The following RIN2 variants were observed in gnomAD, a reference collection of about 807,000 sequenced individuals.
RIN2 encodes Ras and Rab interactor 2.
A neutral mutation model predicts 78.0 loss-of-function variants in RIN2; 36 were observed. The ratio of observed to expected loss-of-function variants is 0.46; its 90% CI spans 0.35 to 0.61. RIN2 has a LOEUF of 0.61. Ranked by LOEUF, RIN2 falls within the 20% of genes least tolerant of loss-of-function variation. The pLI, the probability that RIN2 is intolerant of heterozygous loss-of-function variation, is 0.00. For missense variants in RIN2, 1,087 were observed against 1,159.7 expected, an observed-to-expected ratio of 0.94 and a Z score of 0.91; for synonymous variants, 466 against 466.8, an observed-to-expected ratio of 1.00 and a Z score of 0.02.
At chr20:19,856,158 T>C (rs759819492) in intron 2 of RIN2, among the ~76,000 whole-genome samples, 8 of 152,092 alleles carry the variant, frequency 5.3e-5, no homozygotes, top group Non-Finnish European at 1.0e-4. Context: ...ATGAAAGAAC[T>C]TTAGGGATAT....
At chr20:19,988,619 G>A (rs950601671) in intron 9 of RIN2, among the ~76,000 whole-genome samples, 4 of 152,116 alleles carry the variant, frequency 2.6e-5, no homozygotes, top group Non-Finnish European at 4.4e-5. Context: ...CCTTCAGCCC[G>A]CATCTCTGGA....
chr20:19,909,161 G>A (rs1195828395), intron 3 of RIN2, among the ~76,000 whole-genome samples: 4 of 152,112 alleles, frequency 2.6e-5, no homozygotes, highest in Admixed American at 1.3e-4. Flanking sequence ...ACCGCGCCCA[G>A]TCTGCTCTTC....
At chr20:19,963,001 G>A (rs1051711484) in intron 6 of RIN2, among the ~76,000 whole-genome samples, 1 of 152,198 alleles carries the variant, frequency 6.6e-6, no homozygotes, top group Non-Finnish European at 1.5e-5. Flanking sequence ...CTTACAGACA[G>A]TGCAGCTTAA....
At chr20:19,793,455 C>T (rs905118518) in intron 1 of RIN2, among the ~76,000 whole-genome samples, 2 of 152,038 alleles carry the variant, frequency 1.3e-5, no homozygotes, top group Non-Finnish European at 1.5e-5. Flanking sequence ...TTCTCTCTCT[C>T]GTACCCCAGA....
chr20:19,861,597 A>T (rs2037339856), intron 2 of RIN2, among the ~76,000 whole-genome samples: 1 of 150,394 alleles, frequency 6.6e-6, no homozygotes, highest in African/African-American at 2.5e-5. Flanking sequence ...ATATCTGGTG[A>T]TCACCCTCCA....
At position 19,845,356 on chromosome 20, in the gene RIN2, T is replaced by C. The variant is rs1227265193; in HGVS notation, c.-36-44210T>C. Among the ~76,000 whole-genome samples the C allele has an allele frequency of 2.0e-5, 3 of 152,204 alleles. No individual in the cohort carries two copies. In the East Asian group the frequency reaches 5.8e-4, roughly 29 times the overall value. On this transcript the variant is annotated intron_variant, in intron 2 of 12. Transcript: ENST00000255006. Reference sequence around the variant, plus strand: ...CTAATTTACACTCCCACCAACAGTGTAAAAGCTTTCCTATTTCTCCACATC... The same window carrying C: ...CTAATTTACACTCCCACCAACAGTGCAAAAGCTTTCCTATTTCTCCACATC...
intron 1 of RIN2, among the ~76,000 whole-genome samples, chr20:19,785,251 A>G (rs1435859108): frequency 6.7e-6 from 1 of 150,252 alleles, no homozygotes; most frequent in East Asian, 2.0e-4. Flanking sequence ...CATTTCAGCT[A>G]GTCAATGTTC....
intron 1 of RIN2, among the ~76,000 whole-genome samples, chr20:19,795,015 C>T (rs114742486): frequency 0.029 from 4,394 of 152,224 alleles, 196 homozygotes; most frequent in African/African-American, 0.1. Flanking sequence ...AAAGAATTTG[C>T]ATTTCTCTTA....
chr20:19,942,470 T>C (rs891447500), intron 4 of RIN2, among the ~76,000 whole-genome samples: 2 of 152,212 alleles, frequency 1.3e-5, no homozygotes, highest in Admixed American at 6.5e-5. Context: ...CTTTTTTTGA[T>C]AGCCAAAAGT....
chr20:19,841,274 C>T (rs979300843), intron 2 of RIN2, among the ~76,000 whole-genome samples: 1 of 151,788 alleles, frequency 6.6e-6, no homozygotes, highest in East Asian at 2.0e-4. Context: ...TGAGCCACCA[C>T]ACTCGGTGAA....
intron 3 of RIN2, among the ~76,000 whole-genome samples, chr20:19,930,037 T>C (rs1414704714): frequency 6.7e-6 from 1 of 149,918 alleles, no homozygotes; most frequent in Non-Finnish European, 1.5e-5. Context: ...CCCTCTGCAC[T>C]CTGGGACAAG....
At chr20:19,902,816 G>T (rs143532097) in intron 3 of RIN2, among the ~76,000 whole-genome samples, 1 of 152,118 alleles carries the variant, frequency 6.6e-6, no homozygotes, top group African/African-American at 2.4e-5. Flanking sequence ...AAATTTGGCC[G>T]GGCACGGTGG....
intron 12 of RIN2, among the ~76,000 whole-genome samples, chr20:20,000,166 A>G (rs2043098906): frequency 6.6e-6 from 1 of 152,236 alleles, no homozygotes; most frequent in South Asian, 2.1e-4. Flanking sequence ...CTCATCTCTT[A>G]AAATGAAAAG....
chr20:19,860,249 G>A (rs1211272488), intron 2 of RIN2, among the ~76,000 whole-genome samples: 3 of 152,260 alleles, frequency 2.0e-5, no homozygotes, highest in African/African-American at 7.2e-5. Context: ...ACTCCTGACT[G>A]GTGCCAAGAG....
At chr20:19,954,001 T>A (rs1786078867) in intron 4 of RIN2, among the ~76,000 whole-genome samples, 1 of 152,148 alleles carries the variant, frequency 6.6e-6, no homozygotes, top group Non-Finnish European at 1.5e-5. Flanking sequence ...AAAAGATAAA[T>A]CTTGAATGAA....
At chr20:19,802,773 T>C (rs2035286599) in intron 2 of RIN2, among the ~76,000 whole-genome samples, 2 of 152,276 alleles carry the variant, frequency 1.3e-5, no homozygotes, top group Non-Finnish European at 1.5e-5. Context: ...CCCTATTTCA[T>C]GGTACACCAA....
chr20:19,959,588 G>A (rs2041670057), intron 5 of RIN2, among the ~76,000 whole-genome samples: 1 of 152,130 alleles, frequency 6.6e-6, no homozygotes, highest in Admixed American at 6.5e-5. Context: ...CCCAAATAAA[G>A]TATCTTATGA....
intron 9 of RIN2, among the ~76,000 whole-genome samples, chr20:19,981,263 G>A (rs1450497063): frequency 6.6e-6 from 1 of 152,130 alleles, no homozygotes; most frequent in Non-Finnish European, 1.5e-5. Context: ...TTTATGTGGC[G>A]GGAAGGTGAC....
rs146793803 is a variant in RIN2 at position 19,931,226 on chromosome 20, C to G, written c.58-3873C>G. Among the ~76,000 whole-genome samples, 410 of 152,308 alleles carry G rather than the reference C, an allele frequency of 2.7e-3. 2 individuals are homozygous for G. The highest frequency in any genetic ancestry group is 9.7e-3 in the African/African-American group (402 of 41,570). On this transcript the variant is annotated intron_variant, in intron 3 of 12. Transcript: ENST00000255006. ...ATACATATTAGGATAGCCTTTGTGT[C>G]TATGTGTGTATCTATAAACATACAG...
Sources: allele counts gnomAD v4.1 joint callset (sites outside exome capture counted in the v4.1 genomes callset), GRCh38; gene constraint gnomAD v4.1.1; transcripts MANE v1.5; gene names NCBI Gene and HGNC (gene_info 2026-07-23, HGNC 2026-07-21).